The following PPIE variants were observed in gnomAD, a reference collection of about 807,000 sequenced individuals.
The protein encoded by PPIE is peptidyl-prolyl cis-trans isomerase E.
In PPIE, 20 loss-of-function variants were observed where a neutral mutation model predicts 38.4. That is an observed-to-expected ratio of 0.52 (90% CI 0.37 to 0.76). The LOEUF is 0.76. Among genes scored for constraint, PPIE ranks in the 30% least tolerant of loss-of-function variants. The probability of loss-of-function intolerance (pLI) is 0.00; values close to 1 mark genes in which losing one functional copy is unlikely to be tolerated. For missense variants in PPIE, 322 were observed against 385.8 expected, an observed-to-expected ratio of 0.83 and a Z score of 1.39; for synonymous variants, 142 against 135.7, an observed-to-expected ratio of 1.05 and a Z score of -0.32.
intron 2 of PPIE, 45 bp from the exon 3 acceptor site, chr1:39,741,321 C>A: frequency 6.3e-7 from 1 of 1,585,584 alleles, no homozygotes; most frequent in Non-Finnish European, 8.7e-7. Context: ...TTTCTTCCCA[C>A]TACCCCACAT....
intron 9 of PPIE, 35 bp from the exon 10 acceptor site, chr1:39,753,252 C>T (rs904280050): frequency 8.1e-6 from 13 of 1,611,348 alleles, no homozygotes; most frequent in Admixed American, 1.7e-5. Context: ...TGTTAGTCTC[C>T]GGCCTTACTC....
Position 39,743,284 on chromosome 1 carries a change from C to G in PPIE, c.270C>G (p.Gly90=), listed in dbSNP as rs372152870. Reference sequence around the variant, plus strand: ...CCAAACCAATGAGAATTAAGGAAGGCTCTTCCAGGCCAGGTGAGTAGGAGC... The same window carrying G: ...CCAAACCAATGAGAATTAAGGAAGGGTCTTCCAGGCCAGGTGAGTAGGAGC... ...NLAKPMRIKE[G]SSRPVWSDDD... Residue 90 remains glycine, a synonymous_variant, in exon 5 of 10, where the codon GGC becomes GGG. Coordinates refer to ENST00000324379, the MANE Select transcript of PPIE (RefSeq NM_006112.4). The G allele has an allele frequency of 6.2e-7, 1 of 1,614,056 alleles. No individual in the cohort carries two copies. Among genetic ancestry groups the G allele is most frequent in the Non-Finnish European group, 8.5e-7 (1 of 1,179,906 alleles).
Position 39,745,242 on chromosome 1 carries a change from C to T in PPIE, c.385-133C>T, listed in dbSNP as rs138151283. 3.8e-4 allele frequency: 472 copies of T among 1,253,318 alleles called. 1 individual carries two copies. Among genetic ancestry groups the T allele is most frequent in the Admixed American group, 5.4e-4 (26 of 48,082 alleles). 77.6% of individuals were successfully genotyped at this position (1,253,318 alleles called of 1,614,324 possible). A position where few individuals can be genotyped will look rare whatever the true frequency, so the allele number is the denominator to read the frequency against. On this transcript the variant is annotated intron_variant, in intron 6 of 9. Transcript: ENST00000324379. The stretch of plus-strand genomic sequence containing the variant: ...TGCCTCCTGCAGCCCTATCAGGGCC[C>T]AAGGCCTTCCCCGTCAGCACTTGCT...
chr1:39,760,390 G>T (rs199513606), downstream of PPIE: 66 of 1,612,058 alleles, frequency 4.1e-5, no homozygotes, highest in Non-Finnish European at 5.3e-5. Context: ...GATGAGAAGG[G>T]TGGCTGCAGC....
chr1:39,745,616 T>G (rs1003765168), intron 7 of PPIE, 118 bp downstream of exon 7: 1 of 1,495,038 alleles, frequency 6.7e-7, no homozygotes, highest in Non-Finnish European at 9.1e-7. Flanking sequence ...CTAAGTTGAT[T>G]TGAGGCATCT....
Position 39,753,979 on chromosome 1 carries a change from GTTCA to G in PPIE, c.*627_*630del, listed in dbSNP as rs372038700. 2.0e-6 allele frequency: 2 copies of G among 985,438 alleles called. No individual in the cohort carries two copies. Among genetic ancestry groups the G allele is most frequent in the Non-Finnish European group, 2.4e-6 (2 of 829,934 alleles). The allele number at this position is 985,438 out of a possible 1,614,324, so 61.0% of individuals were successfully genotyped here. A position where few individuals can be genotyped will look rare whatever the true frequency, so the allele number is the denominator to read the frequency against. ...ACAGCCAGCAAGTGTACTCTCAGTG[GTTCA>G]TTTGTTTATTTGTTCACTTTCACCC... On this transcript the variant is annotated 3_prime_UTR_variant, in exon 10 of 10. Transcript: ENST00000324379.
chr1:39,745,730 T>C, intron 7 of PPIE: 1 of 514,284 alleles, frequency 1.9e-6, no homozygotes, highest in East Asian at 3.2e-5. Context: ...TACAAGTAAA[T>C]AATGTATTCT....
intron 5 of PPIE, 110 bp from the exon 6 acceptor site, chr1:39,743,714 T>C (rs1417954101): frequency 2.4e-5 from 19 of 800,012 alleles, no homozygotes; most frequent in Non-Finnish European, 3.6e-5. Context: ...CAGTGGGGAA[T>C]TGTCTGGCAT....
downstream of PPIE, chr1:39,760,041 G>A: frequency 4.0e-6 from 1 of 252,240 alleles, no homozygotes; most frequent in Non-Finnish European, 7.8e-6. Flanking sequence ...GTGGGCTCCA[G>A]GTGCCTCTCA....
intron 6 of PPIE, 136 bp from the exon 7 acceptor site, chr1:39,745,239 G>C (rs1647164340): frequency 8.3e-7 from 1 of 1,209,802 alleles, no homozygotes. Flanking sequence ...CCCTATCAGG[G>C]CCCAAGGCCT....
chr1:39,743,632 C>T (rs1195728216), intron 5 of PPIE, among the ~76,000 whole-genome samples, 192 bp from the exon 6 acceptor site: 1 of 152,168 alleles, frequency 6.6e-6, no homozygotes, highest in African/African-American at 2.4e-5. Flanking sequence ...AGCTATTTTC[C>T]TTAGCCCTAC....
At chr1:39,749,280 T>A (rs551992585) in intron 8 of PPIE, among the ~76,000 whole-genome samples, 192 bp downstream of exon 8, 1 of 151,966 alleles carries the variant, frequency 6.6e-6, no homozygotes, top group Non-Finnish European at 1.5e-5. Context: ...GTACTGTTCA[T>A]CCCCCAACCG....
intron 9 of PPIE, chr1:39,762,621 C>T (rs946974282): frequency 3.5e-5 from 54 of 1,547,954 alleles, no homozygotes; most frequent in Non-Finnish European, 4.5e-5. Context: ...GCCACACCAT[C>T]TAGAAGCTTC....
chr1:39,743,782 C>T, intron 5 of PPIE, 42 bp from the exon 6 acceptor site: 1 of 1,543,338 alleles, frequency 6.5e-7, no homozygotes, highest in Non-Finnish European at 8.9e-7. Flanking sequence ...TCAGTTCAAG[C>T]TGACAGCTTG....
downstream of PPIE, chr1:39,760,304 G>C (rs967074940): frequency 4.7e-6 from 7 of 1,493,566 alleles, no homozygotes; most frequent in Non-Finnish European, 6.3e-6. Flanking sequence ...GTGGTTGTGA[G>C]GGTCCTCCCT....
rs1468374739 is a variant in PPIE, at chr1:39,754,041, C to CA, written c.*689dup. The stretch of plus-strand genomic sequence containing the variant: ...TTTAAAAAATGAAATTTTTATAACT[C>CA]AAAGTGCCTTCTCTGTGCCAAGTAC... On this transcript the variant is annotated 3_prime_UTR_variant, in exon 10 of 10. Transcript: ENST00000324379. 3.0e-6 allele frequency: 3 copies of CA among 985,314 alleles called. No individual in the cohort carries two copies. Among genetic ancestry groups the CA allele is most frequent in the African/African-American group, 3.5e-5 (2 of 57,250 alleles). The allele number at this position is 985,314 out of a possible 1,614,324, so 61.0% of individuals were successfully genotyped here. A position where few individuals can be genotyped will look rare whatever the true frequency, so the allele number is the denominator to read the frequency against.
At chr1:39,739,933 C>T (rs1476224052) in intron 1 of PPIE, among the ~76,000 whole-genome samples, 4 of 152,064 alleles carry the variant, frequency 2.6e-5, no homozygotes, top group Non-Finnish European at 5.9e-5. Context: ...GCAGGGAGGT[C>T]AGTTGTGAAG....
intron 6 of PPIE, 70 bp from the exon 7 acceptor site, chr1:39,745,305 G>A: frequency 6.2e-7 from 1 of 1,600,436 alleles, no homozygotes; most frequent in Non-Finnish European, 8.5e-7. Context: ...GGGTGGGTGT[G>A]TAGAATACTC....
downstream of PPIE, chr1:39,760,367 G>C: frequency 6.2e-7 from 1 of 1,605,972 alleles, no homozygotes; most frequent in Non-Finnish European, 8.5e-7. Flanking sequence ...CTGCTTCTGA[G>C]GGGCCCGATC....
Sources: allele counts gnomAD v4.1 joint callset (sites outside exome capture counted in the v4.1 genomes callset), GRCh38; gene constraint gnomAD v4.1.1; transcripts MANE v1.5; gene names NCBI Gene and HGNC (gene_info 2026-07-23, HGNC 2026-07-21).